YEATS4: variants seen among roughly 807,000 people sequenced by gnomAD.
The protein encoded by YEATS4 is YEATS domain containing 4.
In YEATS4, 17 loss-of-function variants were observed where a neutral mutation model predicts 30.1. The observed-to-expected ratio is 0.56, with a 90% CI of 0.39 to 0.85. YEATS4 has a LOEUF of 0.85. YEATS4 is among the 40% of genes least tolerant of loss of function. YEATS4 has a pLI of 0.00. For missense variants in YEATS4, 142 were observed against 268.3 expected (o/e 0.53, Z 3.29); for synonymous variants, 85 against 87.5 (o/e 0.97, Z 0.16).
At chr12:69,372,890 A>C (rs1024655157) in intron 6 of YEATS4, among the ~76,000 whole-genome samples, 1 of 149,978 alleles carries the variant, frequency 6.7e-6, no homozygotes, top group African/African-American at 2.5e-5. Flanking sequence ...ATAATGTTTT[A>C]TCTTTCTGTG....
intron 6 of YEATS4, among the ~76,000 whole-genome samples, chr12:69,383,848 C>A (rs566875257): frequency 2.4e-4 from 36 of 152,188 alleles, no homozygotes; most frequent in African/African-American, 8.2e-4. Context: ...GTCTTTGAAG[C>A]AGTAACAGAA....
chr12:69,366,132 A>G (rs928533997), intron 4 of YEATS4, among the ~76,000 whole-genome samples: 4 of 152,034 alleles, frequency 2.6e-5, no homozygotes, highest in African/African-American at 9.7e-5. Context: ...TCAGATGACT[A>G]CTGCAGCAAA....
At chr12:69,376,043 T>G (rs571307965) in intron 6 of YEATS4, among the ~76,000 whole-genome samples, 6 of 152,346 alleles carry the variant, frequency 3.9e-5, no homozygotes, top group African/African-American at 1.4e-4. Context: ...ATAGCTTTTT[T>G]GGTGGAGTCT....
the YEATS4 span, among the ~76,000 whole-genome samples, chr12:69,420,719 T>C: frequency 2.0e-5 from 3 of 151,576 alleles, no homozygotes; most frequent in South Asian, 4.2e-4. Context: ...TCAAAGGTGA[T>C]AAATGTCATG....
chr12:69,382,720 C>T lies in YEATS4; in HGVS notation c.515-7427C>T, dbSNP rs1011270524. ...CTCTTTCCTGTGTGTGGAGGCTGTC[C>T]CAGTAATTCAGATTTGGTAGAATGG... On this transcript the variant is annotated intron_variant, in intron 6 of 6. Coordinates refer to ENST00000247843, the MANE Select transcript of YEATS4 (RefSeq NM_006530.4). 9.2e-5 allele frequency among the ~76,000 whole-genome samples: 14 copies of T among 152,192 alleles called. No homozygotes were observed. In the Middle Eastern group the frequency reaches 0.014, roughly 148 times the overall value.
rs561462404 is a variant in YEATS4, at chr12:69,382,445, C to A, written c.515-7702C>A. ...CTTCCCATTCTTCCCTCCCCTTTTT[C>A]CAGGCAGATGATTCTTTCCCTGTGT... On this transcript the variant is annotated intron_variant, in intron 6 of 6. Transcript: ENST00000247843. Among the ~76,000 whole-genome samples the A allele has an allele frequency of 5.2e-3, 742 of 141,652 alleles. 3 individuals are homozygous for A. Among genetic ancestry groups the A allele is most frequent in the African/African-American group, 0.018 (713 of 39,646 alleles). 92.9% of individuals were successfully genotyped at this position (141,652 alleles called of 152,430 possible).
At chr12:69,407,418 A>G in the YEATS4 span, among the ~76,000 whole-genome samples, 7 of 152,138 alleles carry the variant, frequency 4.6e-5, no homozygotes. Flanking sequence ...ATGGGCCTGT[A>G]TTTTATGAAA....
chr12:69,403,910 TTC>T, the YEATS4 span, among the ~76,000 whole-genome samples: 1 of 152,176 alleles, frequency 6.6e-6, no homozygotes, highest in African/African-American at 2.4e-5. Flanking sequence ...TTTCTCTTTC[TTC>T]TCTCTCTTTC....
intron 6 of YEATS4, among the ~76,000 whole-genome samples, chr12:69,384,422 T>G (rs1016027047): frequency 1.1e-4 from 17 of 152,242 alleles, no homozygotes; most frequent in Non-Finnish European, 2.1e-4. Context: ...TTGGGAAGTT[T>G]TTATCAATAA....
Position 69,359,775 on chromosome 12 carries a change from C to T in YEATS4, c.-198C>T. ...CGCGGCGTTCTCCACCTGCGCGGGCCTGAATGGCCTTCAGGAGCACAGTCG... is the reference window on the plus strand; with the variant it reads ...CGCGGCGTTCTCCACCTGCGCGGGCTTGAATGGCCTTCAGGAGCACAGTCG... On this transcript the variant is annotated 5_prime_UTR_variant, in exon 1 of 7. Transcript: ENST00000247843. 1 of 615,908 alleles carries T rather than the reference C, an allele frequency of 1.6e-6. No homozygotes were observed. The allele number at this position is 615,908 out of a possible 1,614,324, so 38.2% of individuals were successfully genotyped here.
chr12:69,399,150 C>A, the YEATS4 span, among the ~76,000 whole-genome samples: 1 of 147,668 alleles, frequency 6.8e-6, no homozygotes, highest in African/African-American at 2.5e-5. Context: ...CCGTCCCCCC[C>A]AAAAAAACAA....
the YEATS4 span, among the ~76,000 whole-genome samples, chr12:69,409,392 G>A: frequency 1.1e-4 from 17 of 152,028 alleles, no homozygotes; most frequent in Non-Finnish European, 1.9e-4. Context: ...TGAGGTGGGC[G>A]GATCCCTTGA....
At chr12:69,374,028 AG>A (rs2120976296) in intron 6 of YEATS4, among the ~76,000 whole-genome samples, 2 of 152,272 alleles carry the variant, frequency 1.3e-5, no homozygotes, top group South Asian at 4.1e-4. Flanking sequence ...TGGTTACTAT[AG>A]CTCTGTAGTA....
At chr12:69,380,151 T>A (rs538643676) in intron 6 of YEATS4, among the ~76,000 whole-genome samples, 2 of 152,238 alleles carry the variant, frequency 1.3e-5, no homozygotes, top group East Asian at 3.8e-4. Flanking sequence ...TTGATACTTG[T>A]TGATATTCAT....
At chr12:69,373,463 T>C (rs1364868391) in intron 6 of YEATS4, among the ~76,000 whole-genome samples, 1 of 152,226 alleles carries the variant, frequency 6.6e-6, no homozygotes. Context: ...TATTCAGATC[T>C]TTTGCCCGTT....
In YEATS4 at chr12:69,360,035, G is replaced by A. The variant is rs375382038; in HGVS notation, c.51+12G>A. On this transcript the variant is annotated intron_variant, in intron 1 of 6. Coordinates refer to ENST00000247843, the MANE Select transcript of YEATS4 (RefSeq NM_006530.4). Reference sequence around the variant, plus strand: ...GCGGGAGAGTAAAGGTCAGTGCCCGGACCGCCCCTCTTCCGGGGTGGCTCT... The same window carrying A: ...GCGGGAGAGTAAAGGTCAGTGCCCGAACCGCCCCTCTTCCGGGGTGGCTCT... 7.5e-5 allele frequency: 121 copies of A among 1,612,204 alleles called. No individual in the cohort carries two copies. The highest frequency in any genetic ancestry group is 5.1e-4 in the South Asian group (46 of 90,942).
At chr12:69,410,847 C>T in the YEATS4 span, among the ~76,000 whole-genome samples, 2 of 152,176 alleles carry the variant, frequency 1.3e-5, no homozygotes, top group Non-Finnish European at 2.9e-5. Flanking sequence ...AGCATCCAAA[C>T]CGCCAAAGAA....
At chr12:69,412,377 C>T in the YEATS4 span, among the ~76,000 whole-genome samples, 1 of 152,080 alleles carries the variant, frequency 6.6e-6, no homozygotes, top group Non-Finnish European at 1.5e-5. Context: ...CAAGTCCGGG[C>T]GCGGTGGCTC....
At chr12:69,389,567 G>A (rs538693192) in intron 6 of YEATS4, among the ~76,000 whole-genome samples, 2 of 137,380 alleles carry the variant, frequency 1.5e-5, no homozygotes, top group Admixed American at 1.5e-4. Context: ...AGGCTGGAGT[G>A]CACTAGCGTC....
Sources: allele counts gnomAD v4.1 joint callset (sites outside exome capture counted in the v4.1 genomes callset), GRCh38; gene constraint gnomAD v4.1.1; transcripts MANE v1.5; gene names NCBI Gene and HGNC (gene_info 2026-07-23, HGNC 2026-07-21).